Variants in RABGAP1L observed in about 807,000 individuals in gnomAD.
The protein encoded by RABGAP1L is RAB GTPase activating protein 1 like.
RABGAP1L carries 63 observed loss-of-function variants against 137.7 expected under a neutral mutation model. That is an observed-to-expected ratio of 0.46 (90% confidence interval 0.37 to 0.56). The LOEUF (loss-of-function observed/expected upper bound fraction) is 0.56, where lower values mean the gene tolerates loss of function less well. Ranked by LOEUF, RABGAP1L falls within the 20% of genes least tolerant of loss-of-function variation. RABGAP1L has a pLI of 0.00. For missense variants in RABGAP1L, 1,095 were observed against 1,244.0 expected, an observed-to-expected ratio of 0.88 and a Z score of 1.80; for synonymous variants, 431 against 433.7, an observed-to-expected ratio of 0.99 and a Z score of 0.08.
At chr1:174,491,111 T>G (rs1660182452) in intron 13 of RABGAP1L, among the ~76,000 whole-genome samples, 2 of 152,144 alleles carry the variant, frequency 1.3e-5, no homozygotes, top group African/African-American at 2.4e-5. Flanking sequence ...TCCTGTTTAC[T>G]TTTTCCTCTG....
chr1:174,732,144 A>G (rs1682526232), intron 17 of RABGAP1L, among the ~76,000 whole-genome samples: 1 of 151,894 alleles, frequency 6.6e-6, no homozygotes. Context: ...GGTTGCAGTG[A>G]GCCGAGATTG....
At chr1:174,977,177 G>A (rs1392826648) in intron 22 of RABGAP1L, among the ~76,000 whole-genome samples, 1 of 152,174 alleles carries the variant, frequency 6.6e-6, no homozygotes. Context: ...GTGGAGGAAT[G>A]TGTCATTTAG....
intron 19 of RABGAP1L, among the ~76,000 whole-genome samples, chr1:174,878,238 T>A (rs1342898789): frequency 2.0e-5 from 3 of 152,168 alleles, no homozygotes; most frequent in African/African-American, 7.2e-5. Context: ...AAACCAACTT[T>A]TTTTTGAGAT....
intron 13 of RABGAP1L, among the ~76,000 whole-genome samples, chr1:174,518,583 T>C (rs1663075469): frequency 6.6e-6 from 1 of 152,208 alleles, no homozygotes; most frequent in African/African-American, 2.4e-5. Flanking sequence ...GTAGATTATA[T>C]TCTGTGTTCA....
intron 13 of RABGAP1L, among the ~76,000 whole-genome samples, chr1:174,413,977 C>A (rs907713399): frequency 6.6e-6 from 1 of 152,126 alleles, no homozygotes; most frequent in African/African-American, 2.4e-5. Context: ...TCTGCCCACA[C>A]GTCCCCTGAT....
Position 174,241,551 on chromosome 1 carries a change from G to C in RABGAP1L, c.611G>C (p.Arg204Pro). 1 of 1,613,114 alleles carries C rather than the reference G, an allele frequency of 6.2e-7. No individual in the cohort carries two copies. The highest frequency in any genetic ancestry group is 8.5e-7 in the Non-Finnish European group (1 of 1,179,164). Residue 204 changes from arginine to proline, a missense_variant, in exon 5 of 26, where the codon CGT becomes CCT. Arg to Pro is a moderately radical substitution (Grantham distance 103). Around this residue, in one of 4 missense-constraint regions of RABGAP1L, gnomAD observed 356 missense variants for 326.3 expected, o/e 1.09. Coordinates refer to ENST00000681986, the MANE Select transcript of RABGAP1L (RefSeq NM_001366446.1). ...FPIYKVLFCA[R>P]GHDGTTESNC... ...ATCTATAAGGTGTTATTCTGTGCAC[G>C]TGGACATGACGGAACAACAGAGAGC...
intron 19 of RABGAP1L, among the ~76,000 whole-genome samples, chr1:174,859,375 C>G (rs965008950): frequency 6.6e-6 from 1 of 151,024 alleles, no homozygotes; most frequent in Non-Finnish European, 1.5e-5. Flanking sequence ...CCCAGCTACT[C>G]GGGAGGCTGA....
chr1:174,912,774 A>T (rs1660257972), intron 19 of RABGAP1L, among the ~76,000 whole-genome samples: 1 of 152,208 alleles, frequency 6.6e-6, no homozygotes, highest in African/African-American at 2.4e-5. Context: ...AATATGTGCC[A>T]TTTTAATAGT....
intron 11 of RABGAP1L, among the ~76,000 whole-genome samples, chr1:174,345,135 A>G (rs1051441412): frequency 6.6e-6 from 1 of 152,060 alleles, no homozygotes; most frequent in Non-Finnish European, 1.5e-5. Flanking sequence ...CTTCTGTTCC[A>G]TTGGTCTACA....
chr1:174,412,924 C>G (rs1195290675), intron 13 of RABGAP1L, among the ~76,000 whole-genome samples: 1 of 152,018 alleles, frequency 6.6e-6, no homozygotes, highest in Non-Finnish European at 1.5e-5. Context: ...CTTGGACAGT[C>G]TTGTGACTAT....
chr1:174,807,971 A>ACAG (rs1689478213), intron 18 of RABGAP1L, among the ~76,000 whole-genome samples: 1 of 148,752 alleles, frequency 6.7e-6, no homozygotes, highest in Non-Finnish European at 1.5e-5. Context: ...AACAACAACA[A>ACAG]CAAATTCTTT....
intron 13 of RABGAP1L, among the ~76,000 whole-genome samples, chr1:174,470,733 C>T (rs925412891): frequency 6.6e-6 from 1 of 151,980 alleles, no homozygotes; most frequent in Admixed American, 6.6e-5. Flanking sequence ...CGGCATTGCA[C>T]TCCAGCCTGG....
intron 1 of RABGAP1L, among the ~76,000 whole-genome samples, chr1:174,216,164 A>T (rs1036864931): frequency 4.6e-5 from 7 of 152,196 alleles, no homozygotes; most frequent in Non-Finnish European, 8.8e-5. Flanking sequence ...GGAAGGTGGG[A>T]TGGGTAAGGG....
chr1:174,824,104 A>T lies in RABGAP1L; in HGVS notation c.2340+12144A>T, dbSNP rs1010625540. ...CAGGAGTTCGAGACCAGCTTGGCCA[A>T]CAGGGTGAAACCCCGTCTCTACTAA... On this transcript the variant is annotated intron_variant, in intron 19 of 25. Coordinates refer to ENST00000681986, the MANE Select transcript of RABGAP1L (RefSeq NM_001366446.1). Among the ~76,000 whole-genome samples the T allele has an allele frequency of 2.6e-5, 4 of 152,110 alleles. No individual in the cohort carries two copies. In the East Asian group the frequency reaches 7.7e-4, roughly 29 times the overall value.
chr1:174,369,550 T>C (rs756860121), intron 11 of RABGAP1L, among the ~76,000 whole-genome samples: 1 of 152,204 alleles, frequency 6.6e-6, no homozygotes, highest in Non-Finnish European at 1.5e-5. Context: ...AAATTATAAA[T>C]GTTATAAAAG....
intron 18 of RABGAP1L, among the ~76,000 whole-genome samples, chr1:174,787,364 T>C (rs1414488584): frequency 1.4e-5 from 2 of 147,582 alleles, no homozygotes; most frequent in African/African-American, 5.0e-5. Flanking sequence ...CATTGCACCA[T>C]TGCACTCTGG....
chr1:174,706,894 G>A (rs79035095), intron 17 of RABGAP1L, among the ~76,000 whole-genome samples: 3,359 of 152,242 alleles, frequency 0.022, 54 homozygotes, highest in Middle Eastern at 0.085. Flanking sequence ...AGATTCATCC[G>A]TATCATTGCA....
At chr1:174,468,225 A>G (rs1657519003) in intron 13 of RABGAP1L, among the ~76,000 whole-genome samples, 1 of 152,106 alleles carries the variant, frequency 6.6e-6, no homozygotes, top group Non-Finnish European at 1.5e-5. Context: ...TGGTTACACA[A>G]ACATTTGTGT....
At position 174,328,006 on chromosome 1, in the gene RABGAP1L, T is replaced by C. The variant is rs866303669; in HGVS notation, c.1465+22879T>C. ...ACACACATATATATATATATATATATATATATATATATATATATACCCAAC... is the reference window on the plus strand; with the variant it reads ...ACACACATATATATATATATATATACATATATATATATATATATACCCAAC... On this transcript the variant is annotated intron_variant, in intron 11 of 25. Transcript: ENST00000681986. Among the ~76,000 whole-genome samples, 82 of 134,520 alleles carry C rather than the reference T, an allele frequency of 6.1e-4. 4 individuals are homozygous for C. Among genetic ancestry groups the C allele is most frequent in the African/African-American group, 2.2e-3 (71 of 32,666 alleles). 88.3% of individuals were successfully genotyped at this position (134,520 alleles called of 152,430 possible).
Sources: gnomAD v4.1 joint callset for allele counts (sites outside exome capture counted in the v4.1 genomes callset) on GRCh38, gnomAD v4.1.1 for gene constraint, gnomAD v4.1.1 regional missense constraint, MANE v1.5 for transcripts, NCBI Gene and HGNC (gene_info 2026-07-23, HGNC 2026-07-21) for gene names.